The following SEMA3A variants were observed in gnomAD, a reference collection of about 807,000 sequenced individuals.
SEMA3A encodes semaphorin 3A, also known as semaphorin-3A.
SEMA3A carries 29 observed loss-of-function variants against 97.9 expected under a neutral mutation model. The ratio of observed to expected loss-of-function variants is 0.30; its 90% confidence interval spans 0.22 to 0.40. The LOEUF is 0.40. SEMA3A is among the 10% of genes least tolerant of loss of function. The pLI is 1.00. For missense variants in SEMA3A, 763 were observed against 951.3 expected, an observed-to-expected ratio of 0.80 and a Z score of 2.60; for synonymous variants, 321 against 323.7, an observed-to-expected ratio of 0.99 and a Z score of 0.09.
chr7:84,426,277 C>T (rs2706918), intron 1 of SEMA3A, among the ~76,000 whole-genome samples: 43,473 of 132,484 alleles, frequency 0.33, 6,909 homozygotes, highest in African/African-American at 0.47. Context: ...GATATATAGA[C>T]AGATAGATAG....
At chr7:84,081,594 TAAAAAA>T (rs5885397) in intron 4 of SEMA3A, among the ~76,000 whole-genome samples, 1 of 114,014 alleles carries the variant, frequency 8.8e-6, no homozygotes, top group Non-Finnish European at 1.8e-5. Context: ...CTCCGTCTCT[TAAAAAA>T]AAAAAAAAAA....
At chr7:83,999,549 A>C (rs985993430) in intron 12 of SEMA3A, among the ~76,000 whole-genome samples, 2 of 152,170 alleles carry the variant, frequency 1.3e-5, no homozygotes, top group East Asian at 1.9e-4. Flanking sequence ...TGGATAACAC[A>C]TCAGAGTCTT....
rs1797928384 is a variant in SEMA3A, at chr7:84,187,751, T to C, written c.112+6724A>G. Among the ~76,000 whole-genome samples the C allele has an allele frequency of 1.3e-5, 2 of 152,142 alleles. 1 individual carries two copies. Among genetic ancestry groups the C allele is most frequent in the Admixed American group, 1.3e-4 (2 of 15,250 alleles). On this transcript the variant is annotated intron_variant, in intron 1 of 16. Coordinates refer to ENST00000265362, the MANE Select transcript of SEMA3A (RefSeq NM_006080.3). ...TATTTCCAAAAATAATTTTGTTTTATTAACAGGCATATTATTTGTTAATTT... is the reference window on the plus strand; with the variant it reads ...TATTTCCAAAAATAATTTTGTTTTACTAACAGGCATATTATTTGTTAATTT...
chr7:84,347,881 C>A (rs1053608613), intron 2 of SEMA3A, among the ~76,000 whole-genome samples: 1 of 152,148 alleles, frequency 6.6e-6, no homozygotes, highest in African/African-American at 2.4e-5. Flanking sequence ...TATAAGGCAA[C>A]TTTCAGAGTG....
intron 1 of SEMA3A, among the ~76,000 whole-genome samples, chr7:84,386,642 A>G (rs1053577843): frequency 1.3e-5 from 2 of 152,188 alleles, no homozygotes; most frequent in Non-Finnish European, 2.9e-5. Flanking sequence ...TAATGTATTT[A>G]CCTATTTTAA....
intron 1 of SEMA3A, among the ~76,000 whole-genome samples, chr7:84,420,160 G>A (rs1405636203): frequency 6.6e-6 from 1 of 150,840 alleles, no homozygotes; most frequent in South Asian, 2.1e-4. Context: ...GACATACAAA[G>A]AAACAGGAAA....
At chr7:84,477,301 T>C (rs576276924) in intron 1 of SEMA3A, among the ~76,000 whole-genome samples, 1 of 150,632 alleles carries the variant, frequency 6.6e-6, no homozygotes, top group African/African-American at 2.4e-5. Flanking sequence ...TAGCCAGGCA[T>C]GGTGGAGGGC....
chr7:84,352,419 TTG>T (rs1264919907), intron 2 of SEMA3A, among the ~76,000 whole-genome samples: 2 of 151,958 alleles, frequency 1.3e-5, no homozygotes, highest in Non-Finnish European at 2.9e-5. Flanking sequence ...GGATAAATGC[TTG>T]AGGTCATAGA....
At position 84,433,069 on chromosome 7, in the gene SEMA3A, TTTATTA is replaced by T. The variant is rs201217953; in HGVS notation, c.-246+59385_-246+59390del. On this transcript the variant is annotated intron_variant, in intron 1 of 3. Transcript: ENST00000424555. Reference sequence around the variant, plus strand: ...GCCTCTCTATCACCTGTTATTTGACTTTATTATTATTATTATTATTATTATACTTTA... The same window carrying T: ...GCCTCTCTATCACCTGTTATTTGACTTTATTATTATTATTATTATACTTTA... Among the ~76,000 whole-genome samples, 20 of 150,478 alleles carry T rather than the reference TTTATTA, an allele frequency of 1.3e-4. No homozygotes were observed. In the East Asian group the frequency reaches 2.7e-3, roughly 21 times the overall value.
intron 5 of SEMA3A, among the ~76,000 whole-genome samples, chr7:84,058,893 C>T (rs1793103729): frequency 6.6e-6 from 1 of 152,006 alleles, no homozygotes; most frequent in Non-Finnish European, 1.5e-5. Context: ...TCTTTGTGGA[C>T]TTTGGGTGGT....
At chr7:84,236,052 T>G (rs1426410888) in intron 3 of SEMA3A, among the ~76,000 whole-genome samples, 1 of 152,180 alleles carries the variant, frequency 6.6e-6, no homozygotes, top group Non-Finnish European at 1.5e-5. Context: ...TACTGTTTAC[T>G]GCACAAAACC....
At chr7:84,314,197 A>C (rs1489924894) in intron 2 of SEMA3A, among the ~76,000 whole-genome samples, 1 of 152,096 alleles carries the variant, frequency 6.6e-6, no homozygotes, top group Non-Finnish European at 1.5e-5. Flanking sequence ...TGTCTATAAA[A>C]TCCTCTCAGA....
intron 4 of SEMA3A, among the ~76,000 whole-genome samples, chr7:84,097,551 A>G (rs1463885882): frequency 6.6e-6 from 1 of 152,138 alleles, no homozygotes; most frequent in Non-Finnish European, 1.5e-5. Context: ...TTAACTGCTC[A>G]GCAGTTCCTG....
chr7:84,325,996 T>C (rs1403905728), intron 2 of SEMA3A, among the ~76,000 whole-genome samples: 1 of 152,140 alleles, frequency 6.6e-6, no homozygotes, highest in Non-Finnish European at 1.5e-5. Flanking sequence ...ACTGAGATCA[T>C]ACAGTATTTG....
chr7:84,456,640 ATACAG>A (rs1805693925), intron 1 of SEMA3A, among the ~76,000 whole-genome samples: 2 of 151,846 alleles, frequency 1.3e-5, no homozygotes, highest in African/African-American at 4.8e-5. Flanking sequence ...TAACTATAAC[ATACAG>A]TAAAGTCTTT....
intron 1 of SEMA3A, among the ~76,000 whole-genome samples, chr7:84,175,734 C>CTT (rs113449224): frequency 0.061 from 9,254 of 151,198 alleles, 369 homozygotes; most frequent in East Asian, 0.16. Context: ...CTACAGCAAC[C>CTT]TTTTTTTTTC....
intron 3 of SEMA3A, among the ~76,000 whole-genome samples, chr7:84,220,053 C>T (rs1003891759): frequency 5.9e-5 from 9 of 152,130 alleles, no homozygotes; most frequent in African/African-American, 2.2e-4. Flanking sequence ...AGCATTTTAG[C>T]CCAGTGGAAT....
chr7:84,119,099 T>A (rs1305284779), intron 3 of SEMA3A, among the ~76,000 whole-genome samples: 2 of 152,196 alleles, frequency 1.3e-5, no homozygotes, highest in Non-Finnish European at 2.9e-5. Context: ...TGATTTCTGC[T>A]TTTTAAGTGC....
At chr7:84,047,149 A>C (rs1792385997) in intron 5 of SEMA3A, among the ~76,000 whole-genome samples, 1 of 152,020 alleles carries the variant, frequency 6.6e-6, no homozygotes, top group Admixed American at 6.6e-5. Flanking sequence ...CCCAGATCAT[A>C]ATCACTCCAA....
Sources: gnomAD v4.1 joint callset for allele counts (sites outside exome capture counted in the v4.1 genomes callset) on GRCh38, gnomAD v4.1.1 for gene constraint, MANE v1.5 for transcripts, NCBI Gene and HGNC (gene_info 2026-07-23, HGNC 2026-07-21) for gene names.